VEZF1: variants seen among roughly 807,000 people sequenced by gnomAD.
VEZF1 encodes putative transcription factor DB1.
Under a neutral mutation model 44.1 loss-of-function variants are expected in VEZF1, and 5 were observed. That is an observed-to-expected ratio of 0.11 (90% CI 0.06 to 0.24). The LOEUF (loss-of-function observed/expected upper bound fraction) is 0.24. VEZF1 is among the 10% of genes least tolerant of loss of function. The pLI is 1.00. For missense variants in VEZF1, 358 were observed against 641.8 expected (o/e 0.56, Z 4.78); for synonymous variants, 236 against 233.1 (o/e 1.01, Z -0.11).
At chr17:57,980,889 GACA>G (rs1343775450) in intron 3 of VEZF1, 103 bp from the exon 4 acceptor site, 1 of 1,139,680 alleles carries the variant, frequency 8.8e-7, no homozygotes, top group African/African-American at 1.6e-5. Context: ...TCAGCAAGCT[GACA>G]ACTAGTTGAA....
In VEZF1 at chr17:57,974,802, A is replaced by T; in HGVS notation, c.1237T>A (p.Ser413Thr). 1 of 1,614,146 alleles carries T rather than the reference A, an allele frequency of 6.2e-7. No homozygotes were observed. The highest frequency in any genetic ancestry group is 8.5e-7 in the Non-Finnish European group (1 of 1,180,024). ...ITSSVSSGTMSNPVTVAAAMS... is the reference protein window; with the variant it reads ...ITSSVSSGTMTNPVTVAAAMS... ...GCAGCTGCCACTGTGACTGGGTTTG[A>T]CATAGTCCCAGACGACACAGAGGAT... The change falls in exon 6 of 6, where the codon TCA becomes ACA. Residue 413 changes from serine (S) to threonine (T), a missense_variant. This residue lies in a region of VEZF1 where 171 missense variants were observed against 272.4 expected (regional missense o/e 0.63). Transcript: ENST00000581208.
rs530203941 is a variant in VEZF1, at chr17:57,972,009, G to A, written c.*2464C>T. 8.5e-5 allele frequency: 13 copies of A among 152,468 alleles called. No homozygotes were observed. The highest frequency in any genetic ancestry group is 3.9e-4 in the East Asian group (2 of 5,182). The allele number at this position is 152,468 out of a possible 1,614,324, so 9.4% of individuals were successfully genotyped here. A position where few individuals can be genotyped will look rare whatever the true frequency, so the allele number is the denominator to read the frequency against. On this transcript the variant is annotated 3_prime_UTR_variant, in exon 6 of 6. Coordinates refer to ENST00000581208, the MANE Select transcript of VEZF1 (RefSeq NM_007146.3). ...CCACCCAAAACCCCCTCCTGCCATC[G>A]ACTCTCTCCCTCCCAAAAGAAGACA...
At chr17:57,984,721 A>C (rs2075280022) in intron 1 of VEZF1, among the ~76,000 whole-genome samples, 1 of 152,234 alleles carries the variant, frequency 6.6e-6, no homozygotes, top group African/African-American at 2.4e-5. Context: ...ATGGGTAAGA[A>C]CATCTACCAC....
chr17:57,982,925 T>C lies in VEZF1; in HGVS notation c.502A>G (p.Lys168Glu), dbSNP rs1567740043. The C allele has an allele frequency of 6.2e-7, 1 of 1,614,200 alleles. No individual in the cohort carries two copies. The highest frequency in any genetic ancestry group is 8.5e-7 in the Non-Finnish European group (1 of 1,180,032). ...PVTQSVKKPS[K>E]PVKKNHACEM... Reference sequence around the variant, plus strand: ...CAAGCATGGTTCTTCTTGACAGGCTTACTGGGTTTCTTGACAGACTGGGTC... The same window carrying C: ...CAAGCATGGTTCTTCTTGACAGGCTCACTGGGTTTCTTGACAGACTGGGTC... The change falls in exon 2 of 6, where the codon AAG becomes GAG. Residue 168 changes from lysine to glutamate, a missense_variant. By Grantham distance (56) the Lys-to-Glu change is moderately conservative. Transcript: ENST00000581208.
In VEZF1 at chr17:57,974,274, A is replaced by G. The variant is rs1472063715; in HGVS notation, c.*199T>C. The G allele has an allele frequency of 1.9e-5, 12 of 619,670 alleles. No homozygotes were observed. Among genetic ancestry groups the G allele is most frequent in the Non-Finnish European group, 3.0e-5 (11 of 363,748 alleles). The allele number at this position is 619,670 out of a possible 1,614,324, so 38.4% of individuals were successfully genotyped here. A position where few individuals can be genotyped will look rare whatever the true frequency, so the allele number is the denominator to read the frequency against. On this transcript the variant is annotated 3_prime_UTR_variant, in exon 6 of 6. Coordinates refer to ENST00000581208, the MANE Select transcript of VEZF1 (RefSeq NM_007146.3). ...GCTAAAAGGAATTTCTGATTAAACT[A>G]AAGTGGTCCAGTGATAAGTTACATA...
intron 1 of VEZF1, among the ~76,000 whole-genome samples, chr17:57,984,752 T>C (rs1360321789): frequency 2.0e-5 from 3 of 152,194 alleles, no homozygotes; most frequent in Non-Finnish European, 4.4e-5. Context: ...TATGTTTACT[T>C]GATGGCAGCA....
At chr17:57,986,296 T>TA (rs1021739993) in intron 1 of VEZF1, among the ~76,000 whole-genome samples, 2 of 152,226 alleles carry the variant, frequency 1.3e-5, no homozygotes, top group Non-Finnish European at 2.9e-5. Flanking sequence ...GTTTTTCCTT[T>TA]ACATGAAGAA....
At chr17:57,977,432 A>G (rs974174433) in intron 5 of VEZF1, among the ~76,000 whole-genome samples, 4 of 152,118 alleles carry the variant, frequency 2.6e-5, no homozygotes, top group Admixed American at 6.6e-5. Context: ...TGGCCAAAAC[A>G]TTTTATTAAA....
chr17:57,987,520 C>T (rs1186420305), intron 1 of VEZF1, among the ~76,000 whole-genome samples: 1 of 152,076 alleles, frequency 6.6e-6, no homozygotes, highest in Non-Finnish European at 1.5e-5. Context: ...TGGGGATACC[C>T]GCTATTCGCG....
chr17:57,983,511 C>G, intron 1 of VEZF1, 118 bp from the exon 2 acceptor site: 1 of 862,940 alleles, frequency 1.2e-6, no homozygotes, highest in East Asian at 2.5e-5. Context: ...AGCTACTCTG[C>G]AGTGGTAATC....
chr17:57,980,654 C>T lies in VEZF1; in HGVS notation c.925G>A (p.Gly309Arg), dbSNP rs2075240780. 6.2e-7 allele frequency: 1 copy of T among 1,613,684 alleles called. No individual in the cohort carries two copies. Among genetic ancestry groups the T allele is most frequent in the Admixed American group, 1.7e-5 (1 of 60,012 alleles). The change falls in exon 4 of 6, where the codon GGG (glycine) becomes AGG (arginine). Residue 309 changes from glycine to arginine, a missense_variant. Gly to Arg is a moderately radical substitution (Grantham distance 125). Coordinates refer to ENST00000581208, the MANE Select transcript of VEZF1 (RefSeq NM_007146.3). ...AYITSHLKTH[G>R]QSQSINCNTC... ...TTACAGTTGATACTTTGGCTCTGCC[C>T]ATGAGTCTTTAAGTGGCTGGTGATG...
chr17:57,980,540 T>G, intron 4 of VEZF1, 63 bp downstream of exon 4: 1 of 1,494,224 alleles, frequency 6.7e-7, no homozygotes, highest in East Asian at 2.3e-5. Context: ...TGATACAATA[T>G]GAAAACATGC....
intron 5 of VEZF1, among the ~76,000 whole-genome samples, chr17:57,978,716 A>G (rs2143336109): frequency 6.6e-6 from 1 of 152,270 alleles, no homozygotes; most frequent in Admixed American, 6.5e-5. Flanking sequence ...GAAAAAGAAC[A>G]CTACAGAGCA....
intron 5 of VEZF1, among the ~76,000 whole-genome samples, chr17:57,975,682 CTA>C (rs2075183223): frequency 6.6e-6 from 1 of 152,142 alleles, no homozygotes; most frequent in East Asian, 1.9e-4. Context: ...TATTTTATGC[CTA>C]GTATCTTTAA....
chr17:57,984,041 A>G (rs1166529998), intron 1 of VEZF1, among the ~76,000 whole-genome samples: 1 of 152,256 alleles, frequency 6.6e-6, no homozygotes, highest in African/African-American at 2.4e-5. Context: ...AAGGCAGCCC[A>G]TAGCAAACAC....
chr17:57,979,243 T>TTGTTGTTGTTGCTGC lies in VEZF1; in HGVS notation c.1046_1047insGCAGCAACAACAACA (p.Gln350_Gln354dup). 6.3e-7 allele frequency: 1 copy of TTGTTGTTGTTGCTGC among 1,596,956 alleles called. No homozygotes were observed. Among genetic ancestry groups the TTGTTGTTGTTGCTGC allele is most frequent in the Non-Finnish European group, 8.6e-7 (1 of 1,168,838 alleles). ...TTGTCACATGTTGTTGTTGTTGTTGTTGCTGCTGCTGCTGCTGCTGCTGCT... is the reference window on the plus strand; with the variant it reads ...TTGTCACATGTTGTTGTTGTTGTTGTTGTTGTTGTTGCTGCTGCTGCTGCTGCTGCTGCTGCTGCT... On this transcript the variant is annotated inframe_insertion, in exon 5 of 6. Coordinates refer to ENST00000581208, the MANE Select transcript of VEZF1 (RefSeq NM_007146.3).
Position 57,988,158 on chromosome 17 carries a change from A to C in VEZF1, c.-47T>G. On this transcript the variant is annotated 5_prime_UTR_variant, in exon 1 of 6. Coordinates refer to ENST00000581208, the MANE Select transcript of VEZF1 (RefSeq NM_007146.3). Reference sequence around the variant, plus strand: ...TCCTCCCCACTCCCCCCGCTCGGGGAGCCTCCTCAGCCGGAGGAGGCGACA... The same window carrying C: ...TCCTCCCCACTCCCCCCGCTCGGGGCGCCTCCTCAGCCGGAGGAGGCGACA... The C allele has an allele frequency of 1.8e-6, 1 of 563,466 alleles. No homozygotes were observed. The allele number at this position is 563,466 out of a possible 1,614,324, so 34.9% of individuals were successfully genotyped here.
Position 57,980,736 on chromosome 17 carries a change from C to T in VEZF1, c.843G>A (p.Val281=), listed in dbSNP as rs2075241873. 2.5e-6 allele frequency: 4 copies of T among 1,614,056 alleles called. No individual in the cohort carries two copies. Among genetic ancestry groups the T allele is most frequent in the African/African-American group, 1.3e-5 (1 of 74,916 alleles). The stretch of plus-strand genomic sequence containing the variant: ...TACATGATACCTTGCCTTCATGGCG[C>T]ACCATGTGTGTCCGCAGTCTGTCTT... ...ATKDRLRTHM[V]RHEGKVSCNI... is the part of the protein sequence containing the mutation. The change falls in exon 4 of 6, where the codon GTG becomes GTA. Residue 281 remains valine (V), a synonymous_variant. Coordinates refer to ENST00000581208, the MANE Select transcript of VEZF1 (RefSeq NM_007146.3).
At position 57,974,624 on chromosome 17, in the gene VEZF1, G is replaced by C; in HGVS notation, c.1415C>G (p.Ala472Gly). 5 of 1,614,140 alleles carry C rather than the reference G, an allele frequency of 3.1e-6. No individual in the cohort carries two copies. The highest frequency in any genetic ancestry group is 4.2e-6 in the Non-Finnish European group (5 of 1,180,042). Residue 472 changes from alanine to glycine, a missense_variant, in exon 6 of 6, where the codon GCC becomes GGC. Around this residue, in one of 4 missense-constraint regions of VEZF1, gnomAD observed 171 missense variants for 272.4 expected, o/e 0.63. Coordinates refer to ENST00000581208, the MANE Select transcript of VEZF1 (RefSeq NM_007146.3). ...TPVNLPTPVT[A>G]PVNIAHPVTI... ...GACAGGGTGTGCTATATTCACTGGG[G>C]CAGTGACGGGGGTGGGGAGGTTGAC...
Sources: gnomAD v4.1 joint callset for allele counts (sites outside exome capture counted in the v4.1 genomes callset) on GRCh38, gnomAD v4.1.1 for gene constraint, gnomAD v4.1.1 regional missense constraint, MANE v1.5 for transcripts, NCBI Gene and HGNC (gene_info 2026-07-23, HGNC 2026-07-21) for gene names.